ATP13A3: variants seen among roughly 807,000 people sequenced by gnomAD.
ATP13A3 encodes polyamine-transporting ATPase 13A3.
In ATP13A3, 59 loss-of-function variants were observed where a neutral mutation model predicts 158.1. That is an observed-to-expected ratio of 0.37 (90% confidence interval 0.30 to 0.46). The LOEUF is 0.46. ATP13A3 is among the 20% of genes least tolerant of loss of function. The probability of loss-of-function intolerance (pLI) is 1.00; values close to 1 mark genes in which losing one functional copy is unlikely to be tolerated. For missense variants in ATP13A3, 1,166 were observed against 1,525.2 expected (o/e 0.76, Z 3.92); for synonymous variants, 491 against 504.3 (o/e 0.97, Z 0.35).
rs892169183 is a variant in ATP13A3, at chr3:194,455,934, C to A, written c.589G>T (p.Ala197Ser). 1.3e-6 allele frequency: 2 copies of A among 1,554,544 alleles called. No homozygotes were observed. Among genetic ancestry groups the A allele is most frequent in the African/African-American group, 2.8e-5 (2 of 72,208 alleles). The change falls in exon 8 of 34, where the codon GCT (alanine) becomes TCT (serine). Residue 197 changes from alanine to serine, a missense_variant. Coordinates refer to ENST00000645319, the MANE Select transcript of ATP13A3 (RefSeq NM_001367549.1). ...TTAAAAACAGAAGGCACTTTTACAGCAATTTCATTTACTCCATAAAGCAGT... is the reference window on the plus strand; with the variant it reads ...TTAAAAACAGAAGGCACTTTTACAGAAATTTCATTTACTCCATAAAGCAGT... ...RKLLYGVNEI[A>S]VKVPSVFKLL...
chr3:194,419,700 G>A (rs1353227787), intron 31 of ATP13A3, 179 bp downstream of exon 31: 1 of 832,936 alleles, frequency 1.2e-6, no homozygotes, highest in East Asian at 1.2e-4. Context: ...CAGAAGCAGA[G>A]ATTAAACAGG....
intron 30 of ATP13A3, chr3:194,424,321 T>C (rs1295789820): frequency 6.6e-6 from 1 of 151,872 alleles, no homozygotes; most frequent in African/African-American, 2.4e-5. Context: ...AATATAGTTA[T>C]TTTTAAAATA....
At chr3:194,476,780 T>TTTC (rs1015955145) in intron 2 of ATP13A3, among the ~76,000 whole-genome samples, 7 of 151,476 alleles carry the variant, frequency 4.6e-5, no homozygotes, top group African/African-American at 1.7e-4. Context: ...TTTTTTTTTT[T>TTTC]CAAAACAATT....
intron 20 of ATP13A3, among the ~76,000 whole-genome samples, chr3:194,435,231 C>A (rs996194277): frequency 2.0e-5 from 3 of 152,142 alleles, no homozygotes; most frequent in South Asian, 2.1e-4. Flanking sequence ...GCCTTGAAAC[C>A]TGAAATTGTA....
chr3:194,411,895 T>C (rs1020096883), intron 33 of ATP13A3, among the ~76,000 whole-genome samples: 29 of 152,112 alleles, frequency 1.9e-4, no homozygotes, highest in Admixed American at 7.2e-4. Flanking sequence ...ATGGAAAAAT[T>C]AACTCTCACC....
intron 2 of ATP13A3, among the ~76,000 whole-genome samples, chr3:194,483,000 G>A (rs1055197283): frequency 2.6e-5 from 4 of 151,776 alleles, no homozygotes; most frequent in Admixed American, 6.6e-5. Context: ...CCAGCTACTC[G>A]GAAAGCTGAG....
intron 2 of ATP13A3, among the ~76,000 whole-genome samples, chr3:194,479,446 T>C (rs1413199227): frequency 4.0e-5 from 6 of 151,674 alleles, no homozygotes; most frequent in Admixed American, 1.3e-4. Context: ...ATTAGAAACA[T>C]AAACATTAAA....
intron 27 of ATP13A3, among the ~76,000 whole-genome samples, chr3:194,429,192 G>T (rs1450499706): frequency 1.3e-5 from 2 of 152,110 alleles, no homozygotes; most frequent in Admixed American, 1.3e-4. Context: ...ACTTTGGGAG[G>T]CCGAGGCGGG....
At chr3:194,457,056 A>C (rs746476073) in intron 7 of ATP13A3, 38 bp downstream of exon 7, 1 of 1,511,340 alleles carries the variant, frequency 6.6e-7, no homozygotes, top group Non-Finnish European at 9.2e-7. Context: ...GCTTTTAGGA[A>C]TTTTGAGAAG....
chr3:194,434,055 CGT>C (rs1717444844), intron 20 of ATP13A3, among the ~76,000 whole-genome samples, 159 bp from the exon 21 acceptor site: 1 of 152,138 alleles, frequency 6.6e-6, no homozygotes, highest in Non-Finnish European at 1.5e-5. Context: ...GAATAAACCA[CGT>C]GTGTGTTCAA....
chr3:194,473,807 G>A (rs548915878), intron 2 of ATP13A3, among the ~76,000 whole-genome samples: 5 of 152,120 alleles, frequency 3.3e-5, no homozygotes, highest in African/African-American at 1.2e-4. Context: ...AAGAATAGAT[G>A]AATAATTTAT....
chr3:194,458,340 C>G (rs902548982), intron 6 of ATP13A3, among the ~76,000 whole-genome samples: 6 of 135,426 alleles, frequency 4.4e-5, no homozygotes, highest in Non-Finnish European at 8.1e-5. Flanking sequence ...AGTGCCAAGT[C>G]AAAAAAAAAA....
chr3:194,447,835 G>C lies in ATP13A3; in HGVS notation c.1308+17C>G, dbSNP rs752734583. On this transcript the variant is annotated intron_variant, in intron 13 of 33. Coordinates refer to ENST00000645319, the MANE Select transcript of ATP13A3 (RefSeq NM_001367549.1). The stretch of plus-strand genomic sequence containing the variant: ...ATAATTGAGGTTCAAACCCTATTAA[G>C]AGTCCCACATACATACCTCATTTAA... The C allele has an allele frequency of 1.3e-6, 2 of 1,589,810 alleles. No individual in the cohort carries two copies. The highest frequency in any genetic ancestry group is 8.6e-7 in the Non-Finnish European group (1 of 1,160,698).
chr3:194,440,782 A>G (rs1329772722), intron 16 of ATP13A3, among the ~76,000 whole-genome samples: 1 of 152,242 alleles, frequency 6.6e-6, no homozygotes, highest in Non-Finnish European at 1.5e-5. Context: ...CTTTGTATTT[A>G]TAAAAGAAGA....
chr3:194,416,499 TAAC>T (rs1356711666), intron 31 of ATP13A3, among the ~76,000 whole-genome samples: 2 of 152,216 alleles, frequency 1.3e-5, no homozygotes, highest in Middle Eastern at 3.4e-3. Flanking sequence ...CCACTTATGT[TAAC>T]AACACTGTAC....
chr3:194,412,465 A>G (rs1270155817), intron 32 of ATP13A3, 177 bp from the exon 33 acceptor site: 1 of 560,096 alleles, frequency 1.8e-6, no homozygotes, highest in African/African-American at 1.9e-5. Context: ...CTTTTGTAAC[A>G]AATACAAATC....
rs2108867437 is a variant in ATP13A3 at position 194,441,576 on chromosome 3, G to C, written c.1560-115C>G. The C allele has an allele frequency of 4.3e-6, 4 of 928,178 alleles. No homozygotes were observed. The South Asian group carries it at 7.8e-5, about 18-fold the overall frequency. 57.5% of individuals were successfully genotyped at this position (928,178 alleles called of 1,614,324 possible). A position where few individuals can be genotyped will look rare whatever the true frequency, so the allele number is the denominator to read the frequency against. On this transcript the variant is annotated intron_variant, in intron 15 of 33. Coordinates refer to ENST00000645319, the MANE Select transcript of ATP13A3 (RefSeq NM_001367549.1). The stretch of plus-strand genomic sequence containing the variant: ...AAAAATCTTTTAAATCCCAATCTGA[G>C]CTCCTAAGAAAGAGAAACTGTCAAG...
Position 194,455,903 on chromosome 3 carries a change from A to G in ATP13A3, c.620T>C (p.Leu207Pro). The G allele has an allele frequency of 6.5e-7, 1 of 1,539,152 alleles. No individual in the cohort carries two copies. The highest frequency in any genetic ancestry group is 8.8e-7 in the Non-Finnish European group (1 of 1,130,330). Reference sequence around the variant, plus strand: ...AATCAATAGTCTTACCTCTTTAATTAGAAGCTTAAAAACAGAAGGCACTTT... The same window carrying G: ...AATCAATAGTCTTACCTCTTTAATTGGAAGCTTAAAAACAGAAGGCACTTT... ...AVKVPSVFKL[L>P]IKEVLNPFYI... The change falls in exon 8 of 34, where the codon CTA (leucine) becomes CCA (proline). Residue 207 changes from leucine (L) to proline (P), a missense_variant. Leu to Pro is a moderately conservative substitution (Grantham distance 98). Around this residue, in one of 3 missense-constraint regions of ATP13A3, gnomAD observed 997 missense variants for 1,341.2 expected, o/e 0.74. Transcript: ENST00000645319.
Position 194,419,919 on chromosome 3 carries a change from A to G in ATP13A3, c.3362T>C (p.Ile1121Thr). 1 of 1,552,904 alleles carries G rather than the reference A, an allele frequency of 6.4e-7. No individual in the cohort carries two copies. Among genetic ancestry groups the G allele is most frequent in the South Asian group, 1.3e-5 (1 of 79,170 alleles). Residue 1121 changes from isoleucine to threonine, a missense_variant, in exon 31 of 34, where the codon ATC (isoleucine) becomes ACC (threonine). This residue lies in a region of ATP13A3 where 997 missense variants were observed against 1,341.2 expected (regional missense o/e 0.74). Coordinates refer to ENST00000645319, the MANE Select transcript of ATP13A3 (RefSeq NM_001367549.1). Reference protein sequence around the residue: ...VIFLYIFILFIMLYPVASVDQ... With the variant: ...VIFLYIFILFTMLYPVASVDQ... ...AACAGAGGCAACTGGATACAACATG[A>G]TGAATAATATAAAAATATATAAAAA...
Sources: allele counts gnomAD v4.1 joint callset (sites outside exome capture counted in the v4.1 genomes callset), GRCh38; gene constraint gnomAD v4.1.1; regional missense constraint gnomAD v4.1.1; transcripts MANE v1.5; gene names NCBI Gene and HGNC (gene_info 2026-07-23, HGNC 2026-07-21).